The following SPATA22 variants were observed in gnomAD, a reference collection of about 807,000 sequenced individuals.
The protein encoded by SPATA22 is spermatogenesis associated 22.
SPATA22 carries 29 observed loss-of-function variants against 47.8 expected under a neutral mutation model. The ratio of observed to expected loss-of-function variants is 0.61; its 90% CI spans 0.45 to 0.83. The LOEUF (loss-of-function observed/expected upper bound fraction) is 0.83. Ranked by LOEUF, SPATA22 falls within the 40% of genes least tolerant of loss-of-function variation. SPATA22 has a pLI of 0.00. For missense variants in SPATA22, 410 were observed against 421.7 expected (o/e 0.97, Z 0.24); for synonymous variants, 133 against 140.9 (o/e 0.94, Z 0.40).
intron 1 of SPATA22, among the ~76,000 whole-genome samples, chr17:3,497,535 A>G (rs2150762666): frequency 6.6e-6 from 1 of 152,314 alleles, no homozygotes; most frequent in South Asian, 2.1e-4. Context: ...AAAATAAAAT[A>G]TAAAAATAAT....
chr17:3,483,615 A>G (rs746184098), intron 1 of SPATA22: 7 of 1,562,662 alleles, frequency 4.5e-6, no homozygotes, highest in African/African-American at 1.4e-5. Flanking sequence ...TCCCACTGTC[A>G]TAACTCAATA....
At chr17:3,489,853 C>A (rs1014210121) in intron 1 of SPATA22, among the ~76,000 whole-genome samples, 1 of 152,160 alleles carries the variant, frequency 6.6e-6, no homozygotes, top group Non-Finnish European at 1.5e-5. Flanking sequence ...CCCAGCGATT[C>A]CACATCTCAA....
intron 3 of SPATA22, among the ~76,000 whole-genome samples, chr17:3,465,305 A>G: frequency 6.6e-6 from 1 of 151,860 alleles, no homozygotes; most frequent in Non-Finnish European, 1.5e-5. Flanking sequence ...AGAACGGGCC[A>G]TGATGACAAT....
rs1449638441 is a variant in SPATA22 at position 3,488,339 on chromosome 17, T to C, written c.-73-18941A>G. Among the ~76,000 whole-genome samples, 3 of 152,034 alleles carry C rather than the reference T, an allele frequency of 2.0e-5. No homozygotes were observed. The highest frequency in any genetic ancestry group is 3.9e-4 in the East Asian group (2 of 5,174). ...ATCATTTCATATGAGTTAGAAGAAATGAACACAAGTTTTTTCCTGCATAAA... is the reference window on the plus strand; with the variant it reads ...ATCATTTCATATGAGTTAGAAGAAACGAACACAAGTTTTTTCCTGCATAAA... On this transcript the variant is annotated intron_variant, in intron 1 of 8. Transcript: ENST00000541913. This position sits in a 1 kb window ranked among gnomAD's most constrained non-coding sequence, Gnocchi z 6.1.
rs34414986 is a variant in SPATA22, at chr17:3,449,161, C to CAA, written c.330-14_330-13dup. 253,889 of 1,416,698 alleles carry CAA rather than the reference C, an allele frequency of 0.18. 12,530 individuals carry two copies. Among genetic ancestry groups the CAA allele is most frequent in the East Asian group, 0.33 (13,148 of 40,178 alleles). The allele number at this position is 1,416,698 out of a possible 1,614,324, so 87.8% of individuals were successfully genotyped here. A position where few individuals can be genotyped will look rare whatever the true frequency, so the allele number is the denominator to read the frequency against. ...TACCATCTCTGTAGCTGTAATAGTGCAAAAAAAAAGCATTTGTTTCTATAT... is the reference window on the plus strand; with the variant it reads ...TACCATCTCTGTAGCTGTAATAGTGCAAAAAAAAAAAGCATTTGTTTCTATAT... On this transcript the variant is annotated splice_polypyrimidine_tract_variant and intron_variant, in intron 5 of 8. Transcript: ENST00000572969.
intron 1 of SPATA22, among the ~76,000 whole-genome samples, chr17:3,497,400 G>A (rs1341324371): frequency 6.6e-6 from 1 of 152,212 alleles, no homozygotes; most frequent in Non-Finnish European, 1.5e-5. Context: ...AGGGATTCGA[G>A]GAGGTGGCTG....
At chr17:3,455,614 G>A (rs1331882222) in intron 5 of SPATA22, among the ~76,000 whole-genome samples, 20 of 141,036 alleles carry the variant, frequency 1.4e-4, no homozygotes, top group Admixed American at 4.5e-4. Flanking sequence ...GTAGATATGC[G>A]GCGTTATTTC....
At chr17:3,474,387 A>G (rs2073490891), upstream of SPATA22, among the ~76,000 whole-genome samples, 1 of 152,262 alleles carries the variant, frequency 6.6e-6, no homozygotes, top group African/African-American at 2.4e-5. Context: ...GGCAAAGGAC[A>G]GAACAAACTA....
intron 5 of SPATA22, among the ~76,000 whole-genome samples, chr17:3,455,342 T>C (rs1243689858): frequency 1.1e-4 from 16 of 152,002 alleles, no homozygotes; most frequent in Admixed American, 1.0e-3. Flanking sequence ...GCCATTGCTT[T>C]TGGTGTTTTA....
intron 5 of SPATA22, 121 bp downstream of exon 5, chr17:3,462,362 A>C: frequency 1.5e-6 from 1 of 670,814 alleles, no homozygotes; most frequent in Non-Finnish European, 2.5e-6. Flanking sequence ...TGTTATTTAT[A>C]GAAATTTCCT....
At chr17:3,509,379 A>C (rs1423312345) in intron 1 of SPATA22, among the ~76,000 whole-genome samples, 3 of 151,844 alleles carry the variant, frequency 2.0e-5, no homozygotes, top group Non-Finnish European at 4.4e-5. Context: ...ATATGTTCTC[A>C]ATGTTCAATT....
chr17:3,474,427 T>C (rs1361358191), upstream of SPATA22, among the ~76,000 whole-genome samples: 1 of 152,106 alleles, frequency 6.6e-6, no homozygotes, highest in African/African-American at 2.4e-5. Context: ...CCAAGCATAG[T>C]AGAGTGTTAA....
rs796158964 is a variant in SPATA22, at chr17:3,455,772, G to T, written c.330-6623C>A. 7.2e-3 allele frequency among the ~76,000 whole-genome samples: 1,070 copies of T among 148,364 alleles called. 9 individuals are homozygous for T. The highest frequency in any genetic ancestry group is 0.017 in the South Asian group (77 of 4,536). Reference sequence around the variant, plus strand: ...TCTTTTGGCTTAGGATTGACTTGGCGATGCGGGCTCTTTTTTGGTTCCATA... The same window carrying T: ...TCTTTTGGCTTAGGATTGACTTGGCTATGCGGGCTCTTTTTTGGTTCCATA... On this transcript the variant is annotated intron_variant, in intron 5 of 8. Transcript: ENST00000572969.
In SPATA22 at chr17:3,440,116, T is replaced by A. The variant is rs1345301292; in HGVS notation, c.*31A>T. On this transcript the variant is annotated 3_prime_UTR_variant, in exon 9 of 9. Transcript: ENST00000572969. ...ATTAAGCAATAACAGAAAACTGCTA[T>A]AATTTATGCTAAACTTCCTTTTATC... 3 of 1,419,952 alleles carry A rather than the reference T, an allele frequency of 2.1e-6. No homozygotes were observed. Among genetic ancestry groups the A allele is most frequent in the Non-Finnish European group, 9.4e-7 (1 of 1,062,440 alleles). 88.0% of individuals were successfully genotyped at this position (1,419,952 alleles called of 1,614,324 possible).
intron 1 of SPATA22, among the ~76,000 whole-genome samples, chr17:3,470,407 G>A (rs1395616231): frequency 6.6e-6 from 1 of 152,120 alleles, no homozygotes; most frequent in Non-Finnish European, 1.5e-5. Context: ...AAGCAATAAT[G>A]CAAGTCAGGC....
chr17:3,442,316 C>G (rs1047743699), intron 8 of SPATA22, among the ~76,000 whole-genome samples: 4 of 151,832 alleles, frequency 2.6e-5, no homozygotes, highest in African/African-American at 9.7e-5. Context: ...ATTTGTCTCC[C>G]CATTTTATAT....
intron 1 of SPATA22, among the ~76,000 whole-genome samples, chr17:3,479,317 A>C (rs769639284): frequency 2.6e-5 from 4 of 152,328 alleles, no homozygotes; most frequent in African/African-American, 4.8e-5. Flanking sequence ...CCATTTACTC[A>C]AATGCGGAAG....
At chr17:3,470,704 T>C (rs1248929313) in intron 1 of SPATA22, among the ~76,000 whole-genome samples, 2 of 150,548 alleles carry the variant, frequency 1.3e-5, no homozygotes, top group Non-Finnish European at 2.9e-5. Flanking sequence ...TGAGCGGAGA[T>C]CGTGCCGCTG....
intron 1 of SPATA22, among the ~76,000 whole-genome samples, chr17:3,481,017 G>A (rs2073618327): frequency 1.3e-5 from 2 of 152,162 alleles, no homozygotes; most frequent in South Asian, 4.1e-4. Flanking sequence ...CAGCTACTCA[G>A]GAGGCTGAGA....
Sources: gnomAD v4.1 joint callset for allele counts (sites outside exome capture counted in the v4.1 genomes callset) on GRCh38, gnomAD v4.1.1 for gene constraint, Gnocchi (gnomAD v3.1) non-coding constraint, MANE v1.5 for transcripts, NCBI Gene and HGNC (gene_info 2026-07-23, HGNC 2026-07-21) for gene names.